The following TLCD4 variants were observed in gnomAD, a reference collection of about 807,000 sequenced individuals.
TLCD4 encodes the protein TLC domain-containing protein 4.
Under a neutral mutation model 24.2 loss-of-function variants are expected in TLCD4, and 7 were observed. The ratio of observed to expected loss-of-function variants is 0.29; its 90% CI spans 0.16 to 0.54. The LOEUF (loss-of-function observed/expected upper bound fraction) is 0.54. Ranked by LOEUF, TLCD4 falls within the 20% of genes least tolerant of loss-of-function variation. The probability of loss-of-function intolerance (pLI) is 0.95; values close to 1 mark genes in which losing one functional copy is unlikely to be tolerated. For synonymous variants in TLCD4, 103 were observed against 106.4 expected, an observed-to-expected ratio of 0.97 and a Z score of 0.20; for missense variants, 259 against 313.9, an observed-to-expected ratio of 0.82 and a Z score of 1.32.
chr1:95,174,782 A>T (rs1175910549), intron 6 of TLCD4, among the ~76,000 whole-genome samples: 4 of 152,082 alleles, frequency 2.6e-5, no homozygotes, highest in Non-Finnish European at 5.9e-5. Flanking sequence ...CTAGTGAATT[A>T]TTATTATTTT....
intron 1 of TLCD4, among the ~76,000 whole-genome samples, chr1:95,133,260 G>A (rs1353808589): frequency 6.6e-6 from 1 of 152,110 alleles, no homozygotes; most frequent in Non-Finnish European, 1.5e-5. Flanking sequence ...AGGAGGGATA[G>A]CATTAGCAGA....
chr1:95,118,735 C>A (rs960846310), intron 1 of TLCD4, among the ~76,000 whole-genome samples: 2 of 152,176 alleles, frequency 1.3e-5, no homozygotes, highest in African/African-American at 4.8e-5. Context: ...TAGAGAATCC[C>A]AGCTCCCTTT....
At chr1:95,148,925 A>C (rs1677420849) in intron 3 of TLCD4, 134 bp downstream of exon 3, 1 of 1,216,182 alleles carries the variant, frequency 8.2e-7, no homozygotes, top group Admixed American at 3.0e-5. Context: ...GTGCTCAGAC[A>C]TTCTAGCAAA....
intron 1 of TLCD4, among the ~76,000 whole-genome samples, chr1:95,140,949 A>G (rs1457777543): frequency 1.3e-5 from 2 of 152,216 alleles, no homozygotes; most frequent in African/African-American, 4.8e-5. Context: ...ATTTGTAAAG[A>G]TCTCTAGATT....
At chr1:95,130,786 C>G (rs1036643584) in intron 1 of TLCD4, among the ~76,000 whole-genome samples, 15 of 152,136 alleles carry the variant, frequency 9.9e-5, no homozygotes, top group Non-Finnish European at 1.8e-4. Context: ...AGTACAATTA[C>G]AGGTTGTACA....
intron 1 of TLCD4, among the ~76,000 whole-genome samples, chr1:95,126,750 A>G (rs990655855): frequency 3.3e-5 from 5 of 152,202 alleles, no homozygotes; most frequent in African/African-American, 1.2e-4. Flanking sequence ...ATCCTCTGGT[A>G]GACTAGACAG....
chr1:95,117,877 G>C (rs76075029), intron 1 of TLCD4: 1 of 151,300 alleles, frequency 6.6e-6, no homozygotes, highest in East Asian at 2.0e-4. Context: ...CCACGGCGTC[G>C]CTCCGGGAGC....
At chr1:95,092,814 C>T in the TLCD4 span, among the ~76,000 whole-genome samples, 23 of 152,238 alleles carry the variant, frequency 1.5e-4, no homozygotes, top group Non-Finnish European at 2.6e-4. Flanking sequence ...CCTTGGCTCA[C>T]GGCAACTTCT....
In TLCD4 at chr1:95,146,354, G is replaced by A. The variant is rs190598287; in HGVS notation, c.155+2298G>A. Among the ~76,000 whole-genome samples the A allele has an allele frequency of 4.7e-3, 716 of 152,112 alleles. 8 individuals carry two copies. The highest frequency in any genetic ancestry group is 0.016 in the African/African-American group (670 of 41,496). Reference sequence around the variant, plus strand: ...CACTTTCTTACCTATCACATTGAAAGTCTTATTGTGTTGAAATACTACTAA... The same window carrying A: ...CACTTTCTTACCTATCACATTGAAAATCTTATTGTGTTGAAATACTACTAA... On this transcript the variant is annotated intron_variant, in intron 2 of 6. Coordinates refer to ENST00000370203, the MANE Select transcript of TLCD4 (RefSeq NM_152487.3).
chr1:95,122,951 A>G (rs994800506), intron 1 of TLCD4, among the ~76,000 whole-genome samples: 2 of 152,104 alleles, frequency 1.3e-5, no homozygotes, highest in African/African-American at 4.8e-5. Context: ...CTTTTTATAA[A>G]GTGTTACTTT....
chr1:95,119,870 A>G (rs1434182188), intron 1 of TLCD4, among the ~76,000 whole-genome samples: 3 of 150,844 alleles, frequency 2.0e-5, no homozygotes, highest in African/African-American at 7.3e-5. Context: ...TTGGGCTTCA[A>G]TATCTCAAAC....
At chr1:95,169,298 C>A (rs943126970) in intron 5 of TLCD4, among the ~76,000 whole-genome samples, 1 of 152,158 alleles carries the variant, frequency 6.6e-6, no homozygotes, top group Non-Finnish European at 1.5e-5. Context: ...AACCATTGGG[C>A]TAGAAGTACT....
chr1:95,180,339 T>C (rs1222496804), intron 6 of TLCD4, among the ~76,000 whole-genome samples: 5 of 152,220 alleles, frequency 3.3e-5, no homozygotes. Flanking sequence ...TGTACCTTTA[T>C]CTAAAAGCTT....
chr1:95,143,025 G>A (rs1324306364), intron 1 of TLCD4, among the ~76,000 whole-genome samples: 1 of 152,072 alleles, frequency 6.6e-6, no homozygotes, highest in African/African-American at 2.4e-5. Flanking sequence ...TTGGCTGGCA[G>A]TCAGTCAGAT....
chr1:95,094,464 T>TGCCCA, the TLCD4 span, among the ~76,000 whole-genome samples: 1 of 152,186 alleles, frequency 6.6e-6, no homozygotes, highest in Non-Finnish European at 1.5e-5. Flanking sequence ...TGGAGAAAGA[T>TGCCCA]GCCCAGCTGA....
At chr1:95,144,452 C>A (rs1349040719) in intron 2 of TLCD4, among the ~76,000 whole-genome samples, 1 of 152,138 alleles carries the variant, frequency 6.6e-6, no homozygotes, top group African/African-American at 2.4e-5. Context: ...TTAGCCAGAC[C>A]TGGGGCAGTT....
chr1:95,129,567 C>A (rs1676832260), intron 1 of TLCD4, among the ~76,000 whole-genome samples: 1 of 152,178 alleles, frequency 6.6e-6, no homozygotes, highest in Non-Finnish European at 1.5e-5. Context: ...CATGTTGAAA[C>A]CCTGCCTCTA....
the TLCD4 span, among the ~76,000 whole-genome samples, chr1:95,102,389 T>G: frequency 6.6e-6 from 1 of 152,094 alleles, no homozygotes; most frequent in African/African-American, 2.4e-5. Context: ...CTGACAGAAT[T>G]TGCTGTGTAC....
chr1:95,095,740 A>G, the TLCD4 span, among the ~76,000 whole-genome samples: 8 of 152,242 alleles, frequency 5.3e-5, no homozygotes, highest in Non-Finnish European at 1.2e-4. Flanking sequence ...GAGAATAATA[A>G]AAAGAAATCC....
Sources: allele counts gnomAD v4.1 joint callset (sites outside exome capture counted in the v4.1 genomes callset), GRCh38; gene constraint gnomAD v4.1.1; transcripts MANE v1.5; gene names NCBI Gene and HGNC (gene_info 2026-07-23, HGNC 2026-07-21).